PRDM10: variants seen among roughly 807,000 people sequenced by gnomAD.
The protein encoded by PRDM10 is PR/SET domain 10, also known as PR domain zinc finger protein 10.
A neutral mutation model predicts 133.1 loss-of-function variants in PRDM10; 65 were observed. That is an observed-to-expected ratio of 0.49 (90% CI 0.40 to 0.60). PRDM10 has a LOEUF of 0.60. PRDM10 is among the 20% of genes least tolerant of loss of function. PRDM10 has a pLI of 0.00. For missense variants in PRDM10, 1,137 were observed against 1,507.1 expected, an observed-to-expected ratio of 0.75 and a Z score of 4.07; for synonymous variants, 582 against 580.4, an observed-to-expected ratio of 1.00 and a Z score of -0.04.
rs1056365941 is a variant in PRDM10, at chr11:129,900,867, T to C, written c.*1446A>G. 1.3e-5 allele frequency: 2 copies of C among 152,604 alleles called. No individual in the cohort carries two copies. The highest frequency in any genetic ancestry group is 2.9e-5 in the Non-Finnish European group (2 of 68,030). 9.5% of individuals were successfully genotyped at this position (152,604 alleles called of 1,614,324 possible). On this transcript the variant is annotated 3_prime_UTR_variant, in exon 21 of 21. Transcript: ENST00000360871. Reference sequence around the variant, plus strand: ...ATAAAGTGCGAAATCTACACATCAATAAAGTTCTTTTAACAGAATTGTTCA... The same window carrying C: ...ATAAAGTGCGAAATCTACACATCAACAAAGTTCTTTTAACAGAATTGTTCA...
intron 16 of PRDM10, 98 bp from the exon 17 acceptor site, chr11:129,915,116 T>C (rs1180964532): frequency 2.3e-6 from 3 of 1,328,784 alleles, no homozygotes; most frequent in East Asian, 4.8e-5. Context: ...AAGTCTTTTA[T>C]GTCTTAAAAA....
At chr11:129,959,950 A>G (rs11221911) in intron 2 of PRDM10, among the ~76,000 whole-genome samples, 26,091 of 148,230 alleles carry the variant, frequency 0.18, 4,233 homozygotes, top group East Asian at 0.51. Flanking sequence ...TGGTAGAGTC[A>G]GGGCCTCACT....
intron 7 of PRDM10, among the ~76,000 whole-genome samples, chr11:129,941,209 A>G (rs115649081): frequency 0.013 from 2,045 of 152,306 alleles, 48 homozygotes; most frequent in African/African-American, 0.047. Flanking sequence ...TTGTGTACTT[A>G]TATGATCATT....
At chr11:129,927,631 C>A (rs1233660466) in intron 11 of PRDM10, among the ~76,000 whole-genome samples, 1 of 152,156 alleles carries the variant, frequency 6.6e-6, no homozygotes, top group Admixed American at 6.5e-5. Flanking sequence ...GAGCCACCAC[C>A]TGGCTCCACT....
At position 129,923,688 on chromosome 11, in the gene PRDM10, G is replaced by T. The variant is rs1950590192; in HGVS notation, c.1879-285C>A. 6.8e-6 allele frequency among the ~76,000 whole-genome samples: 1 copy of T among 147,332 alleles called. No homozygotes were observed. The highest frequency in any genetic ancestry group is 1.5e-5 in the Non-Finnish European group (1 of 67,356). On this transcript the variant is annotated intron_variant, in intron 12 of 20. Transcript: ENST00000360871. The surrounding 1 kb of genome is among the most constrained non-coding windows in gnomAD (Gnocchi z 4.4). ...AGAGAGAGAGAGAGAGAGAGAGAGA[G>T]AGAGAGTGCTTGCTTGGTCAAAGCC...
In PRDM10 at chr11:129,926,137, A is replaced by T. The variant is rs79171491; in HGVS notation, c.1531-908T>A. 1.8e-3 allele frequency among the ~76,000 whole-genome samples: 271 copies of T among 152,334 alleles called. 8 individuals carry two copies. The East Asian group carries it at 0.047, about 26-fold the overall frequency. On this transcript the variant is annotated intron_variant, in intron 11 of 20. Coordinates refer to ENST00000360871, the MANE Select transcript of PRDM10 (RefSeq NM_199437.2). ...CCAGGCAATTCTGCTCTTTGTTTTC[A>T]GGCACAGATTGCACTTGTAATGCTG...
chr11:129,908,720 A>T (rs1209589250), intron 19 of PRDM10, among the ~76,000 whole-genome samples: 1 of 152,136 alleles, frequency 6.6e-6, no homozygotes, highest in Non-Finnish European at 1.5e-5. Flanking sequence ...TCTACAGGTT[A>T]GAATGCTAGT....
In PRDM10 at chr11:129,947,703, A is replaced by C; in HGVS notation, c.295-333T>G. On this transcript the variant is annotated intron_variant, in intron 4 of 20. Coordinates refer to ENST00000360871, the MANE Select transcript of PRDM10 (RefSeq NM_199437.2). This position sits in a 1 kb window ranked among gnomAD's most constrained non-coding sequence, Gnocchi z 4.6. Reference sequence around the variant, plus strand: ...CAAGGCCCTGACCACCTGCGTCCTGACCCCACCCCTAAAACTTAATAAAAC... The same window carrying C: ...CAAGGCCCTGACCACCTGCGTCCTGCCCCCACCCCTAAAACTTAATAAAAC... 1 of 532,630 alleles carries C rather than the reference A, an allele frequency of 1.9e-6. No individual in the cohort carries two copies. Among genetic ancestry groups the C allele is most frequent in the Non-Finnish European group, 3.2e-6 (1 of 313,988 alleles). 33.0% of individuals were successfully genotyped at this position (532,630 alleles called of 1,614,324 possible). A position where few individuals can be genotyped will look rare whatever the true frequency, so the allele number is the denominator to read the frequency against.
chr11:129,914,510 A>T, intron 17 of PRDM10, 194 bp downstream of exon 17: 1 of 783,486 alleles, frequency 1.3e-6, no homozygotes, highest in Non-Finnish European at 2.2e-6. Context: ...TGACTACTAT[A>T]GACAGAAATC....
chr11:129,968,328 A>G (rs1951947301), intron 1 of PRDM10, among the ~76,000 whole-genome samples: 1 of 152,200 alleles, frequency 6.6e-6, no homozygotes, highest in African/African-American at 2.4e-5. Flanking sequence ...ACTAACTAGC[A>G]CAAACTGTGG....
chr11:129,928,638 A>C (rs1591612826), intron 11 of PRDM10, among the ~76,000 whole-genome samples: 1 of 151,980 alleles, frequency 6.6e-6, no homozygotes, highest in Admixed American at 6.5e-5. Context: ...CAAGCAATCC[A>C]CCTGCCTCAG....
intron 1 of PRDM10, among the ~76,000 whole-genome samples, chr11:129,962,310 A>C (rs1341379198): frequency 1.3e-5 from 2 of 152,208 alleles, no homozygotes; most frequent in Non-Finnish European, 1.5e-5. Flanking sequence ...CAGAATAAAG[A>C]CCAAAGAAGA....
intron 1 of PRDM10, among the ~76,000 whole-genome samples, chr11:129,982,373 C>T (rs1938163547): frequency 6.6e-6 from 1 of 152,030 alleles, no homozygotes; most frequent in Non-Finnish European, 1.5e-5. Context: ...AGCAATTCTT[C>T]TGCCTCAGCC....
intron 1 of PRDM10, among the ~76,000 whole-genome samples, chr11:129,990,522 CAAAAAAAAAAA>C (rs59217112): frequency 5.2e-4 from 35 of 67,108 alleles, no homozygotes; most frequent in Non-Finnish European, 9.0e-4. Flanking sequence ...ACTTTGTCTC[CAAAAAAAAAAA>C]AAAAAAAAAA....
intron 12 of PRDM10, among the ~76,000 whole-genome samples, chr11:129,924,524 T>C (rs1464626128): frequency 1.3e-5 from 2 of 152,196 alleles, no homozygotes; most frequent in Non-Finnish European, 1.5e-5. Flanking sequence ...ACAGTAGTAG[T>C]AGGGAGATGT....
At chr11:129,912,417 C>T (rs991307654) in intron 17 of PRDM10, among the ~76,000 whole-genome samples, 192 bp from the exon 18 acceptor site, 1 of 151,922 alleles carries the variant, frequency 6.6e-6, no homozygotes, top group African/African-American at 2.4e-5. Context: ...CCAGCCTGGG[C>T]AACATGGCAA....
chr11:129,994,778 A>G (rs1293644319), intron 1 of PRDM10, among the ~76,000 whole-genome samples: 8 of 151,548 alleles, frequency 5.3e-5, no homozygotes, highest in Admixed American at 2.6e-4. Flanking sequence ...CATCCTCCCG[A>G]GTAGCTGGGA....
At chr11:129,929,414 A>C in intron 11 of PRDM10, 1 of 1,566,796 alleles carries the variant, frequency 6.4e-7, no homozygotes, top group Non-Finnish European at 8.7e-7. Context: ...ACCTACCTGC[A>C]GCTCCAACTG....
intron 8 of PRDM10, among the ~76,000 whole-genome samples, chr11:129,936,642 G>A (rs1258821669): frequency 1.3e-5 from 2 of 150,000 alleles, no homozygotes. Flanking sequence ...GACAGAGCAA[G>A]ACTCCATTTC....
Sources: gnomAD v4.1 joint callset for allele counts (sites outside exome capture counted in the v4.1 genomes callset) on GRCh38, gnomAD v4.1.1 for gene constraint, Gnocchi (gnomAD v3.1) non-coding constraint, MANE v1.5 for transcripts, NCBI Gene and HGNC (gene_info 2026-07-23, HGNC 2026-07-21) for gene names.